The following AMMECR1L variants were observed in gnomAD, a reference collection of about 807,000 sequenced individuals.
AMMECR1L encodes AMMECR1 like.
Under a neutral mutation model 36.8 loss-of-function variants are expected in AMMECR1L, and 4 were observed. The ratio of observed to expected loss-of-function variants is 0.11; its 90% confidence interval spans 0.05 to 0.25. The LOEUF is 0.25. AMMECR1L is among the 10% of genes least tolerant of loss of function. The pLI, the probability that AMMECR1L is intolerant of heterozygous loss-of-function variation, is 1.00. For missense variants in AMMECR1L, 232 were observed against 392.1 expected, an observed-to-expected ratio of 0.59 and a Z score of 3.45; for synonymous variants, 147 against 148.0, an observed-to-expected ratio of 0.99 and a Z score of 0.05.
chr2:127,882,006 G>A (rs1238946111), intron 2 of AMMECR1L, among the ~76,000 whole-genome samples: 1 of 152,176 alleles, frequency 6.6e-6, no homozygotes, highest in Non-Finnish European at 1.5e-5. Context: ...TAAGCTTACA[G>A]ACATACACTA....
At chr2:127,867,881 C>T (rs1041934861) in intron 6 of AMMECR1L, among the ~76,000 whole-genome samples, 1 of 151,954 alleles carries the variant, frequency 6.6e-6, no homozygotes, top group African/African-American at 2.4e-5. Flanking sequence ...CTTGCACATT[C>T]TTTTTTTTGA....
chr2:127,872,738 T>C (rs1691044489), intron 3 of AMMECR1L, among the ~76,000 whole-genome samples: 1 of 152,050 alleles, frequency 6.6e-6, no homozygotes, highest in Non-Finnish European at 1.5e-5. Flanking sequence ...AATACAACAG[T>C]CTAAACCTTC....
At chr2:127,877,833 G>T (rs1403956581) in intron 2 of AMMECR1L, among the ~76,000 whole-genome samples, 4 of 152,146 alleles carry the variant, frequency 2.6e-5, no homozygotes, top group Non-Finnish European at 5.9e-5. Flanking sequence ...GATCGAGGTG[G>T]GAGGATGGCT....
Position 127,874,056 on chromosome 2 carries a change from C to A in AMMECR1L, c.179G>T (p.Gly60Val). Residue 60 changes from glycine to valine, a missense_variant, in exon 3 of 8, where the codon GGA (glycine) becomes GTA (valine). By Grantham distance (109) the Gly-to-Val change is moderately radical. Transcript: ENST00000272647. This position sits in a 1 kb window ranked among gnomAD's most constrained non-coding sequence, Gnocchi z 5.2. ...QNHQHVDSSS[G>V]RENVSDLTLG... ...AGTTAAGTCTGACACATTCTCCCGTCCACTGCTGCTGTCCACATGCTGGTG... is the reference window on the plus strand; with the variant it reads ...AGTTAAGTCTGACACATTCTCCCGTACACTGCTGCTGTCCACATGCTGGTG... The A allele has an allele frequency of 6.2e-7, 1 of 1,614,208 alleles. No individual in the cohort carries two copies. Among genetic ancestry groups the A allele is most frequent in the African/African-American group, 1.3e-5 (1 of 75,044 alleles).
In AMMECR1L at chr2:127,862,714, G is replaced by T. The variant is rs552350287; in HGVS notation, c.*2380C>A. 216 of 152,592 alleles carry T rather than the reference G, an allele frequency of 1.4e-3. 1 individual carries two copies. Among genetic ancestry groups the T allele is most frequent in the Non-Finnish European group, 2.7e-3 (187 of 68,052 alleles). 9.5% of individuals were successfully genotyped at this position (152,592 alleles called of 1,614,324 possible). A position where few individuals can be genotyped will look rare whatever the true frequency, so the allele number is the denominator to read the frequency against. On this transcript the variant is annotated 3_prime_UTR_variant, in exon 8 of 8. Transcript: ENST00000272647. The stretch of plus-strand genomic sequence containing the variant: ...CATGAGGGAATGTGCAGGGAGTAAG[G>T]CTTCTTCACTCCAAAAACCACTGAG...
In AMMECR1L at chr2:127,871,037, A is replaced by G. The variant is rs1203736273; in HGVS notation, c.519-109T>C. On this transcript the variant is annotated intron_variant, in intron 4 of 7. Coordinates refer to ENST00000272647, the MANE Select transcript of AMMECR1L (RefSeq NM_001199140.2). This position sits in a 1 kb window ranked among gnomAD's most constrained non-coding sequence, Gnocchi z 4.3. ...ATCTTGAGCTATGCAGAGAGTATCT[A>G]TTGTTCATCAACACTAACATGTTAA... The G allele has an allele frequency of 2.1e-6, 2 of 951,124 alleles. No individual in the cohort carries two copies. Among genetic ancestry groups the G allele is most frequent in the Non-Finnish European group, 3.1e-6 (2 of 636,344 alleles). 58.9% of individuals were successfully genotyped at this position (951,124 alleles called of 1,614,324 possible).
At chr2:127,880,312 A>G (rs1215918054) in intron 2 of AMMECR1L, among the ~76,000 whole-genome samples, 2 of 152,208 alleles carry the variant, frequency 1.3e-5, no homozygotes, top group Non-Finnish European at 1.5e-5. Context: ...AGGACCACCA[A>G]TAAGAATAAG....
Position 127,864,131 on chromosome 2 carries a change from G to C in AMMECR1L, c.*963C>G, listed in dbSNP as rs1273397701. ...CACCTGAAAAGAAAACCAGCTTACA[G>C]ACCCTGGATTCTCTCCTATGATGTG... On this transcript the variant is annotated 3_prime_UTR_variant, in exon 8 of 8. Coordinates refer to ENST00000272647, the MANE Select transcript of AMMECR1L (RefSeq NM_001199140.2). 6.5e-6 allele frequency: 1 copy of C among 152,708 alleles called. No individual in the cohort carries two copies. The highest frequency in any genetic ancestry group is 1.5e-5 in the Non-Finnish European group (1 of 68,080). 9.5% of individuals were successfully genotyped at this position (152,708 alleles called of 1,614,324 possible).
At position 127,865,156 on chromosome 2, in the gene AMMECR1L, G is replaced by C. The variant is rs1329590312; in HGVS notation, c.871C>G (p.Arg291Gly). 6.2e-7 allele frequency: 1 copy of C among 1,613,850 alleles called. No individual in the cohort carries two copies. Among genetic ancestry groups the C allele is most frequent in the Non-Finnish European group, 8.5e-7 (1 of 1,179,910 alleles). The part of the protein sequence containing the change: ...TISYAEYIAS[R>G]QHCFQNGTLH... The stretch of plus-strand genomic sequence containing the variant: ...GTGCCGTTCTGGAAACAGTGCTGTC[G>C]GGAAGCAATATACTCTGCGTAACTG... The change falls in exon 8 of 8, where the codon CGA becomes GGA. Residue 291 changes from arginine to glycine, a missense_variant. Physicochemically the swap from Arg to Gly is moderately radical, Grantham distance 125. Around this residue, in one of 3 missense-constraint regions of AMMECR1L, gnomAD observed 40 missense variants for 34.5 expected, o/e 1.16. Coordinates refer to ENST00000272647, the MANE Select transcript of AMMECR1L (RefSeq NM_001199140.2). This position sits in a 1 kb window ranked among gnomAD's most constrained non-coding sequence, Gnocchi z 5.4.
intron 2 of AMMECR1L, among the ~76,000 whole-genome samples, chr2:127,883,070 T>C (rs1328779773): frequency 2.0e-5 from 3 of 150,802 alleles, no homozygotes; most frequent in Non-Finnish European, 2.9e-5. Context: ...CTTTATAGAT[T>C]TTTAAAAACA....
chr2:127,874,551 C>G lies in AMMECR1L; in HGVS notation c.-38-279G>C, dbSNP rs1691138829. Among the ~76,000 whole-genome samples the G allele has an allele frequency of 6.6e-6, 1 of 152,220 alleles. No individual in the cohort carries two copies. Among genetic ancestry groups the G allele is most frequent in the South Asian group, 2.1e-4 (1 of 4,830 alleles). On this transcript the variant is annotated intron_variant, in intron 2 of 7. Transcript: ENST00000272647. This position sits in a 1 kb window ranked among gnomAD's most constrained non-coding sequence, Gnocchi z 5.2. ...CCCCAGGGCAGAAGACAGGGTGGGG[C>G]ACCAGCCAGCGTGAAGCTGGCTGAG...
intron 2 of AMMECR1L, among the ~76,000 whole-genome samples, chr2:127,881,130 C>T (rs1691482749): frequency 6.6e-6 from 1 of 151,940 alleles, no homozygotes; most frequent in Non-Finnish European, 1.5e-5. Flanking sequence ...CGAGGTGGCT[C>T]AAGGCTTTCT....
At chr2:127,868,506 G>A (rs955489108) in intron 6 of AMMECR1L, among the ~76,000 whole-genome samples, 1 of 152,070 alleles carries the variant, frequency 6.6e-6, no homozygotes, top group African/African-American at 2.4e-5. Context: ...ACACTTCACC[G>A]GGTATTTTTT....
At position 127,874,164 on chromosome 2, in the gene AMMECR1L, G is replaced by A; in HGVS notation, c.71C>T (p.Pro24Leu). The A allele has an allele frequency of 6.2e-7, 1 of 1,614,126 alleles. No homozygotes were observed. The highest frequency in any genetic ancestry group is 8.5e-7 in the Non-Finnish European group (1 of 1,180,028). Reference sequence around the variant, plus strand: ...GTGCGTTCCACTTCCAGATAATTTGGGCTTCTTGACCCCACAACAGCCTGC... The same window carrying A: ...GTGCGTTCCACTTCCAGATAATTTGAGCTTCTTGACCCCACAACAGCCTGC... ...LAAGCCGVKK[P>L]KLSGSGTHSH... is the part of the protein sequence containing the mutation. The change falls in exon 3 of 8, where the codon CCC becomes CTC. Residue 24 changes from proline (P) to leucine (L), a missense_variant. Transcript: ENST00000272647. The surrounding 1 kb of genome is among the most constrained non-coding windows in gnomAD (Gnocchi z 5.2).
chr2:127,867,818 G>C (rs1476406314), intron 6 of AMMECR1L, among the ~76,000 whole-genome samples: 1 of 151,814 alleles, frequency 6.6e-6, no homozygotes, highest in East Asian at 1.9e-4. Flanking sequence ...GAAGGAAGGA[G>C]CTGTTCCTTC....
chr2:127,873,706 T>C lies in AMMECR1L; in HGVS notation c.407+122A>G. ...TCTCTGGACATTTCTTATCATTCTCTTCCCATTACCCTTTCCTCAAATGAT... is the reference window on the plus strand; with the variant it reads ...TCTCTGGACATTTCTTATCATTCTCCTCCCATTACCCTTTCCTCAAATGAT... On this transcript the variant is annotated intron_variant, in intron 3 of 7. Transcript: ENST00000272647. This position sits in a 1 kb window ranked among gnomAD's most constrained non-coding sequence, Gnocchi z 5.2. The C allele has an allele frequency of 2.6e-6, 4 of 1,566,244 alleles. No homozygotes were observed. The highest frequency in any genetic ancestry group is 3.4e-6 in the Non-Finnish European group (4 of 1,167,104).
chr2:127,873,000 A>G (rs1691057396), intron 3 of AMMECR1L: 5 of 985,344 alleles, frequency 5.1e-6, no homozygotes, highest in Non-Finnish European at 6.0e-6. Flanking sequence ...CAGGCCTCCC[A>G]AGGGAAGAGG....
Position 127,869,847 on chromosome 2 carries a change from A to G in AMMECR1L, c.634-303T>C, listed in dbSNP as rs1192834599. Among the ~76,000 whole-genome samples the G allele has an allele frequency of 1.3e-5, 2 of 152,256 alleles. No individual in the cohort carries two copies. Among genetic ancestry groups the G allele is most frequent in the Non-Finnish European group, 2.9e-5 (2 of 68,054 alleles). Reference sequence around the variant, plus strand: ...TTCCTTGACCCTATTCCATTAAATAAACATGCCACAAGGTTTTTATCTGGG... The same window carrying G: ...TTCCTTGACCCTATTCCATTAAATAGACATGCCACAAGGTTTTTATCTGGG... On this transcript the variant is annotated intron_variant, in intron 5 of 7. Coordinates refer to ENST00000272647, the MANE Select transcript of AMMECR1L (RefSeq NM_001199140.2). The surrounding 1 kb of genome is among the most constrained non-coding windows in gnomAD (Gnocchi z 4.7).
chr2:127,871,051 C>T lies in AMMECR1L; in HGVS notation c.519-123G>A. On this transcript the variant is annotated intron_variant, in intron 4 of 7. Coordinates refer to ENST00000272647, the MANE Select transcript of AMMECR1L (RefSeq NM_001199140.2). This position sits in a 1 kb window ranked among gnomAD's most constrained non-coding sequence, Gnocchi z 4.3. ...AGAGAGTATCTATTGTTCATCAACA[C>T]TAACATGTTAAAAACAACTCGATGC... is the stretch of plus-strand genomic sequence containing the variant. The T allele has an allele frequency of 1.1e-6, 1 of 927,888 alleles. No individual in the cohort carries two copies. The highest frequency in any genetic ancestry group is 2.6e-5 in the East Asian group (1 of 37,836). The allele number at this position is 927,888 out of a possible 1,614,324, so 57.5% of individuals were successfully genotyped here.
Sources: allele counts gnomAD v4.1 joint callset (sites outside exome capture counted in the v4.1 genomes callset), GRCh38; gene constraint gnomAD v4.1.1; regional missense constraint gnomAD v4.1.1; non-coding constraint Gnocchi (gnomAD v3.1); transcripts MANE v1.5; gene names NCBI Gene and HGNC (gene_info 2026-07-23, HGNC 2026-07-21).